ADAMTS9: variants seen among roughly 807,000 people sequenced by gnomAD.
ADAMTS9 encodes A disintegrin and metalloproteinase with thrombospondin motifs 9.
A neutral mutation model predicts 257.1 loss-of-function variants in ADAMTS9; 107 were observed. The ratio of observed to expected loss-of-function variants is 0.42; its 90% CI spans 0.36 to 0.49. ADAMTS9 has a LOEUF of 0.49. Among genes scored for constraint, ADAMTS9 ranks in the 20% least tolerant of loss-of-function variants. The probability of loss-of-function intolerance (pLI) is 0.03; values close to 1 mark genes in which losing one functional copy is unlikely to be tolerated. For missense variants in ADAMTS9, 2,353 were observed against 2,469.1 expected (o/e 0.95, Z 1.00); for synonymous variants, 982 against 880.9 (o/e 1.11, Z -2.03).
At chr3:64,616,304 A>G (rs1054890130) in intron 19 of ADAMTS9, 134 bp from the exon 20 acceptor site, 3 of 891,192 alleles carry the variant, frequency 3.4e-6, no homozygotes, top group South Asian at 1.7e-5. Flanking sequence ...CCAAAGCCAC[A>G]GTCAGTTGCT....
chr3:64,623,164 G>C (rs1277415390), intron 16 of ADAMTS9, among the ~76,000 whole-genome samples: 3 of 152,128 alleles, frequency 2.0e-5, no homozygotes, highest in East Asian at 1.9e-4. Flanking sequence ...TTGTGGCATG[G>C]TATTCACACT....
chr3:64,562,101 T>C (rs2083436990), intron 29 of ADAMTS9, among the ~76,000 whole-genome samples: 1 of 152,194 alleles, frequency 6.6e-6, no homozygotes, highest in Admixed American at 6.5e-5. Flanking sequence ...TGAAATGATT[T>C]CTATCCTGGA....
At chr3:64,636,485 T>C (rs887489109) in intron 12 of ADAMTS9, among the ~76,000 whole-genome samples, 1 of 152,092 alleles carries the variant, frequency 6.6e-6, no homozygotes, top group Non-Finnish European at 1.5e-5. Flanking sequence ...AAAGCTGTAG[T>C]GAGGGTTAAC....
At chr3:64,577,652 C>T (rs563261625) in intron 28 of ADAMTS9, among the ~76,000 whole-genome samples, 3 of 152,290 alleles carry the variant, frequency 2.0e-5, no homozygotes, top group Admixed American at 2.0e-4. Flanking sequence ...TTCAAGGCTA[C>T]CTGGAGATGT....
At chr3:64,586,699 G>GT (rs945942919) in intron 28 of ADAMTS9, 2 of 151,974 alleles carry the variant, frequency 1.3e-5, no homozygotes. Flanking sequence ...TGAATAAGAG[G>GT]TTTTTTTCTT....
Position 64,687,732 on chromosome 3 carries a change from G to A in ADAMTS9, c.-75C>T. 8.1e-7 allele frequency: 1 copy of A among 1,230,646 alleles called. No individual in the cohort carries two copies. The highest frequency in any genetic ancestry group is 1.1e-6 in the Non-Finnish European group (1 of 912,234). The allele number at this position is 1,230,646 out of a possible 1,614,324, so 76.2% of individuals were successfully genotyped here. On this transcript the variant is annotated 5_prime_UTR_variant, in exon 1 of 40. Transcript: ENST00000498707. The surrounding 1 kb of genome is among the most constrained non-coding windows in gnomAD (Gnocchi z 4.4). Reference sequence around the variant, plus strand: ...CTCCTTGGCTGCGGCGGCGACGCGAGGCAGCGGCCGTGGAGAGCGCGCGGA... The same window carrying A: ...CTCCTTGGCTGCGGCGGCGACGCGAAGCAGCGGCCGTGGAGAGCGCGCGGA...
chr3:64,642,384 G>C (rs1444729009), intron 11 of ADAMTS9, among the ~76,000 whole-genome samples: 1 of 152,000 alleles, frequency 6.6e-6, no homozygotes, highest in East Asian at 1.9e-4. Flanking sequence ...GCCTAGAGAA[G>C]TTACAAGTCT....
intron 12 of ADAMTS9, among the ~76,000 whole-genome samples, chr3:64,640,107 C>T (rs550970791): frequency 6.6e-6 from 1 of 152,178 alleles, no homozygotes; most frequent in African/African-American, 2.4e-5. Context: ...AAATCTAAGG[C>T]TTATTCATTT....
chr3:64,595,934 C>A (rs1412103210), intron 27 of ADAMTS9, among the ~76,000 whole-genome samples: 1 of 152,158 alleles, frequency 6.6e-6, no homozygotes, highest in Non-Finnish European at 1.5e-5. Context: ...GAGATATATT[C>A]TTAGTTAATT....
intron 28 of ADAMTS9, chr3:64,592,550 A>G (rs1269916335): frequency 6.6e-6 from 1 of 152,206 alleles, no homozygotes; most frequent in Non-Finnish European, 1.5e-5. Flanking sequence ...GTGTTTAAGG[A>G]AGAGAATACC....
At chr3:64,680,525 G>A (rs529637397) in intron 3 of ADAMTS9, among the ~76,000 whole-genome samples, 2 of 152,080 alleles carry the variant, frequency 1.3e-5, no homozygotes, top group East Asian at 1.9e-4. Flanking sequence ...AGCTTTCCAG[G>A]GTGCCCAGAA....
At chr3:64,613,578 T>C (rs1047819932) in intron 21 of ADAMTS9, 69 bp from the exon 22 acceptor site, 10 of 1,493,882 alleles carry the variant, frequency 6.7e-6, no homozygotes, top group African/African-American at 2.8e-5. Context: ...GGGTTATTTA[T>C]TGATGAGTAG....
rs750867139 is a variant in ADAMTS9 at position 64,541,832 on chromosome 3, A to G, written c.5197+6T>C. ...AAAGAAAGATAACTTCAGTTGGCCA[A>G]CTTACAGTTATAGACATTACGGCAG... On this transcript the variant is annotated splice_donor_region_variant and intron_variant, in intron 33 of 39. Coordinates refer to ENST00000498707, the MANE Select transcript of ADAMTS9 (RefSeq NM_182920.2). The G allele has an allele frequency of 5.6e-6, 9 of 1,614,122 alleles. No homozygotes were observed. The South Asian group carries it at 9.9e-5, about 18-fold the overall frequency.
intron 26 of ADAMTS9, among the ~76,000 whole-genome samples, chr3:64,598,054 T>A (rs1467886760): frequency 6.6e-6 from 1 of 152,226 alleles, no homozygotes; most frequent in Non-Finnish European, 1.5e-5. Context: ...TCTTCTTCCG[T>A]ATCAAGATGT....
At chr3:64,661,841 C>T (rs531906459) in intron 3 of ADAMTS9, among the ~76,000 whole-genome samples, 1 of 152,010 alleles carries the variant, frequency 6.6e-6, no homozygotes, top group Non-Finnish European at 1.5e-5. Context: ...GTAAATATTA[C>T]AATTTGATTT....
At chr3:64,682,236 T>A (rs1701775907) in intron 2 of ADAMTS9, among the ~76,000 whole-genome samples, 1 of 152,230 alleles carries the variant, frequency 6.6e-6, no homozygotes, top group African/African-American at 2.4e-5. Context: ...GGGATAAAGA[T>A]ACTTAATGTA....
chr3:64,525,950 A>C (rs2082904736), intron 38 of ADAMTS9, among the ~76,000 whole-genome samples: 1 of 143,886 alleles, frequency 6.9e-6, no homozygotes, highest in Non-Finnish European at 1.5e-5. Context: ...ATAATATAAT[A>C]AACATTTATA....
chr3:64,541,664 A>G (rs1262732490), intron 33 of ADAMTS9, 44 bp from the exon 34 acceptor site: 1 of 1,567,984 alleles, frequency 6.4e-7, no homozygotes, highest in Admixed American at 1.7e-5. Context: ...ATGATCCGAG[A>G]TGTGAATTAT....
intron 37 of ADAMTS9, among the ~76,000 whole-genome samples, chr3:64,537,436 T>C (rs2083065190): frequency 6.6e-6 from 1 of 152,176 alleles, no homozygotes; most frequent in African/African-American, 2.4e-5. Flanking sequence ...TAAAAAAAAC[T>C]GTACTTCAAA....
Sources: allele counts gnomAD v4.1 joint callset (sites outside exome capture counted in the v4.1 genomes callset), GRCh38; gene constraint gnomAD v4.1.1; non-coding constraint Gnocchi (gnomAD v3.1); transcripts MANE v1.5; gene names NCBI Gene and HGNC (gene_info 2026-07-23, HGNC 2026-07-21).